ZNF777: variants seen among roughly 807,000 people sequenced by gnomAD.
The protein encoded by ZNF777 is zinc finger protein 777.
ZNF777 carries 7 observed loss-of-function variants against 72.1 expected under a neutral mutation model. The observed-to-expected ratio is 0.10, with a 90% CI of 0.06 to 0.18. The LOEUF is 0.18. ZNF777 is among the 10% of genes least tolerant of loss of function. The probability of loss-of-function intolerance (pLI) is 1.00; values close to 1 mark genes in which losing one functional copy is unlikely to be tolerated. For missense variants in ZNF777, 828 were observed against 1,128.6 expected (o/e 0.73, Z 3.82); for synonymous variants, 545 against 483.5 (o/e 1.13, Z -1.67).
chr7:149,432,540 C>T lies in ZNF777; in HGVS notation c.1732G>A (p.Glu578Lys). Residue 578 changes from glutamate to lysine, a missense_variant, in exon 6 of 6, where the codon GAA (glutamate) becomes AAA (lysine). This residue lies in a region of ZNF777 where 100 missense variants were observed against 106.2 expected (regional missense o/e 0.94). Coordinates refer to ENST00000247930, the MANE Select transcript of ZNF777 (RefSeq NM_015694.3). ...TTGTGCCGGAAGCTGATCTCGCATT[C>T]GGCGCACTCGTAGGGCCCCTCCTTG... ...HIKEGPYECA[E>K]CEISFRHKQQ... 6.2e-7 allele frequency: 1 copy of T among 1,613,840 alleles called. No homozygotes were observed. The highest frequency in any genetic ancestry group is 8.5e-7 in the Non-Finnish European group (1 of 1,179,862).
At chr7:149,448,505 A>AAC (rs1799647684) in intron 4 of ZNF777, among the ~76,000 whole-genome samples, 3 of 133,870 alleles carry the variant, frequency 2.2e-5, no homozygotes, top group Admixed American at 1.5e-4. Context: ...ATATATATAT[A>AAC]TATATAACTA....
At chr7:149,441,239 ATATAGTT>A (rs1799509398) in intron 4 of ZNF777, among the ~76,000 whole-genome samples, 2 of 152,274 alleles carry the variant, frequency 1.3e-5, no homozygotes, top group Non-Finnish European at 2.9e-5. Flanking sequence ...CATTGTGGGA[ATATAGTT>A]TATGAAAAAG....
chr7:149,454,139 C>A lies in ZNF777; in HGVS notation c.945G>T (p.Arg315Ser). The A allele has an allele frequency of 6.2e-7, 1 of 1,614,186 alleles. No homozygotes were observed. Among genetic ancestry groups the A allele is most frequent in the East Asian group, 2.2e-5 (1 of 44,886 alleles). ...WQKELYKNVM[R>S]GNYESLVSMD... is the part of the protein sequence containing the mutation. ...TGGAAACCAGGGACTCGTAGTTGCC[C>A]CTCATCACGTTCTTGTAGAGCTCCT... Residue 315 changes from arginine to serine, a missense_variant, in exon 3 of 6, where the codon AGG becomes AGT. Arg to Ser is a moderately radical substitution (Grantham distance 110). Coordinates refer to ENST00000247930, the MANE Select transcript of ZNF777 (RefSeq NM_015694.3).
At chr7:149,458,099 G>A (rs928119199) in intron 1 of ZNF777, among the ~76,000 whole-genome samples, 1 of 152,200 alleles carries the variant, frequency 6.6e-6, no homozygotes, top group Non-Finnish European at 1.5e-5. Context: ...GGGGAGGAAG[G>A]CCTTGCCTTT....
rs17852167 is a variant in ZNF777, at chr7:149,432,738, C to G, written c.1534G>C (p.Ala512Pro). The G allele has an allele frequency of 5.0e-6, 8 of 1,611,612 alleles. No homozygotes were observed. The highest frequency in any genetic ancestry group is 1.1e-5 in the South Asian group (1 of 90,952). The change falls in exon 6 of 6, where the codon GCA (alanine) becomes CCA (proline). Residue 512 changes from alanine to proline, a missense_variant. Ala to Pro is a conservative substitution (Grantham distance 27). Around this residue, in one of 12 missense-constraint regions of ZNF777, gnomAD observed 219 missense variants for 223.0 expected, o/e 0.98. Transcript: ENST00000247930. ...ACGGAGGGCGCCAGCCTTTTCACTGCGGGGTTTCCTAGCTGCAGGGGCGGG... is the reference window on the plus strand; with the variant it reads ...ACGGAGGGCGCCAGCCTTTTCACTGGGGGGTTTCCTAGCTGCAGGGGCGGG... ...SPPPLQLGNP[A>P]VKRLAPSVHG...
intron 5 of ZNF777, among the ~76,000 whole-genome samples, chr7:149,435,028 G>A (rs1311351638): frequency 6.6e-6 from 1 of 152,140 alleles, no homozygotes; most frequent in Admixed American, 6.5e-5. Context: ...AGGCAATAGA[G>A]TTTATACGAT....
chr7:149,437,805 CTTTTTT>C (rs898319193), intron 4 of ZNF777, among the ~76,000 whole-genome samples: 76 of 108,180 alleles, frequency 7.0e-4, no homozygotes, highest in Non-Finnish European at 1.2e-3. Flanking sequence ...GTTTCTTTTT[CTTTTTT>C]TTTTTTTTTT....
Position 149,455,114 on chromosome 7 carries a change from A to G in ZNF777, c.846+63T>C, listed in dbSNP as rs993267684. 51 of 1,531,720 alleles carry G rather than the reference A, an allele frequency of 3.3e-5. 1 individual carries two copies. In the East Asian group the frequency reaches 3.8e-4, roughly 12 times the overall value. 94.9% of individuals were successfully genotyped at this position (1,531,720 alleles called of 1,614,324 possible). ...ACCCCTTTCTTTCATATTACACTAC[A>G]TTCCTAAACCACACTCCAATTCAGA... On this transcript the variant is annotated intron_variant, in intron 2 of 5. Coordinates refer to ENST00000247930, the MANE Select transcript of ZNF777 (RefSeq NM_015694.3). The surrounding 1 kb of genome is among the most constrained non-coding windows in gnomAD (Gnocchi z 4.2).
At chr7:149,437,805 CTTTTTTT>C (rs898319193) in intron 4 of ZNF777, among the ~76,000 whole-genome samples, 6 of 108,180 alleles carry the variant, frequency 5.5e-5, no homozygotes, top group South Asian at 3.1e-4. Context: ...GTTTCTTTTT[CTTTTTTT>C]TTTTTTTTTG....
chr7:149,454,072 C>T (rs777356790), intron 3 of ZNF777, 39 bp downstream of exon 3: 30 of 1,611,504 alleles, frequency 1.9e-5, no homozygotes, highest in South Asian at 1.8e-4. Context: ...TTTGAGCTGG[C>T]GTCCAGGCAG....
At chr7:149,459,876 C>A (rs907672244) in intron 1 of ZNF777, 67 of 982,262 alleles carry the variant, frequency 6.8e-5, no homozygotes, top group Non-Finnish European at 8.1e-5. Flanking sequence ...ACCTCGGGGC[C>A]GCGTGTGTGC....
intron 4 of ZNF777, among the ~76,000 whole-genome samples, chr7:149,443,115 G>A (rs957521644): frequency 1.3e-5 from 2 of 152,212 alleles, no homozygotes; most frequent in East Asian, 1.9e-4. Flanking sequence ...TTACTGAGGC[G>A]CTGAAACTTG....
At chr7:149,456,773 T>C (rs1001098099) in intron 1 of ZNF777, among the ~76,000 whole-genome samples, 3 of 152,194 alleles carry the variant, frequency 2.0e-5, no homozygotes, top group South Asian at 2.1e-4. Flanking sequence ...AACAGTTGCA[T>C]TGCAGACTCA....
chr7:149,447,930 A>G (rs1024082500), intron 4 of ZNF777, among the ~76,000 whole-genome samples: 1 of 152,304 alleles, frequency 6.6e-6, no homozygotes, highest in Middle Eastern at 3.4e-3. Flanking sequence ...CAAGGGCCTC[A>G]GGGTTAATAT....
At position 149,454,373 on chromosome 7, in the gene ZNF777, C is replaced by G. The variant is rs543565801; in HGVS notation, c.847-136G>C. On this transcript the variant is annotated intron_variant, in intron 2 of 5. Transcript: ENST00000247930. ...TCTAGAAGTCTGGCCACTGTCCTGG[C>G]CCCAAAGAGTGAGGGGCCTGTCTTG... 47 of 1,087,706 alleles carry G rather than the reference C, an allele frequency of 4.3e-5. No homozygotes were observed. In the African/African-American group the frequency reaches 7.1e-4, roughly 16 times the overall value. 67.4% of individuals were successfully genotyped at this position (1,087,706 alleles called of 1,614,324 possible). A position where few individuals can be genotyped will look rare whatever the true frequency, so the allele number is the denominator to read the frequency against.
At chr7:149,450,805 C>T (rs546170479) in intron 4 of ZNF777, among the ~76,000 whole-genome samples, 194 bp downstream of exon 4, 10 of 152,330 alleles carry the variant, frequency 6.6e-5, no homozygotes, top group South Asian at 6.2e-4. Flanking sequence ...GTGAACCCAA[C>T]GGCATTCCCA....
rs930746450 is a variant in ZNF777 at position 149,460,704 on chromosome 7, G to C, written c.-16+111C>G. The C allele has an allele frequency of 6.6e-6, 1 of 152,198 alleles. No individual in the cohort carries two copies. Among genetic ancestry groups the C allele is most frequent in the African/African-American group, 2.4e-5 (1 of 41,422 alleles). The allele number at this position is 152,198 out of a possible 1,614,324, so 9.4% of individuals were successfully genotyped here. On this transcript the variant is annotated intron_variant, in intron 1 of 5. Transcript: ENST00000247930. The surrounding 1 kb of genome is among the most constrained non-coding windows in gnomAD (Gnocchi z 6.1). ...ACAGCCGGTAGGAGCGAACAGTGTC[G>C]AGCGAGCCGCCCGGCGGCGACGGAC...
At chr7:149,448,329 G>C (rs1203022952) in intron 4 of ZNF777, among the ~76,000 whole-genome samples, 2 of 151,174 alleles carry the variant, frequency 1.3e-5, no homozygotes, top group African/African-American at 2.4e-5. Flanking sequence ...AATTAGCTGG[G>C]CGTGGTGGCA....
rs777614370 is a variant in ZNF777, at chr7:149,431,899, A to G, written c.2373T>C (p.His791=). The G allele has an allele frequency of 1.9e-6, 3 of 1,553,512 alleles. No individual in the cohort carries two copies. Among genetic ancestry groups the G allele is most frequent in the East Asian group, 5.0e-5 (2 of 40,172 alleles). Residue 791 remains histidine (H), a synonymous_variant, in exon 6 of 6, where the codon CAT becomes CAC. Coordinates refer to ENST00000247930, the MANE Select transcript of ZNF777 (RefSeq NM_015694.3). ...GCGCGCGCTGGTGCTCCAGCAGGTG[A>G]TGCTTCTGCGTGAAGCGCTTGCCGC... ...AECGKRFTQK[H]HLLEHQRAHT...
Sources: gnomAD v4.1 joint callset for allele counts (sites outside exome capture counted in the v4.1 genomes callset) on GRCh38, gnomAD v4.1.1 for gene constraint, gnomAD v4.1.1 regional missense constraint, Gnocchi (gnomAD v3.1) non-coding constraint, MANE v1.5 for transcripts, NCBI Gene and HGNC (gene_info 2026-07-23, HGNC 2026-07-21) for gene names.